The following TULP4 variants were observed in gnomAD, a reference collection of about 807,000 sequenced individuals.
The protein encoded by TULP4 is tubby-related protein 4.
Under a neutral mutation model 129.0 loss-of-function variants are expected in TULP4, and 16 were observed. The observed-to-expected ratio is 0.12, with a 90% CI of 0.08 to 0.19. The LOEUF (loss-of-function observed/expected upper bound fraction) is 0.19, where lower values mean the gene tolerates loss of function less well. Among genes scored for constraint, TULP4 ranks in the 10% least tolerant of loss-of-function variants. The probability of loss-of-function intolerance (pLI) is 1.00; values close to 1 mark genes in which losing one functional copy is unlikely to be tolerated. For synonymous variants in TULP4, 998 were observed against 854.0 expected (o/e 1.17, Z -2.94); for missense variants, 1,842 against 2,059.1 (o/e 0.89, Z 2.04).
intron 5 of TULP4, among the ~76,000 whole-genome samples, chr6:158,459,124 T>C (rs1583900748): frequency 6.6e-6 from 1 of 152,316 alleles, no homozygotes; most frequent in African/African-American, 2.4e-5. Context: ...CATTATAACT[T>C]TGCACCTGCA....
At chr6:158,506,271 G>C (rs182873866) in intron 13 of TULP4, among the ~76,000 whole-genome samples, 1 of 110,678 alleles carries the variant, frequency 9.0e-6, no homozygotes, top group East Asian at 2.7e-4. Context: ...CTCCTCTGTC[G>C]CCCAGGCTGG....
intron 1 of TULP4, among the ~76,000 whole-genome samples, chr6:158,299,135 G>A (rs963533398): frequency 2.0e-5 from 3 of 152,018 alleles, no homozygotes; most frequent in Non-Finnish European, 2.9e-5. Context: ...ACTAGGCCTC[G>A]GTCGGGGTGG....
chr6:158,481,336 T>G, intron 8 of TULP4, 47 bp downstream of exon 8: 1 of 1,557,688 alleles, frequency 6.4e-7, no homozygotes, highest in Non-Finnish European at 8.8e-7. Flanking sequence ...CCTGTGGTCA[T>G]GGGCTGTTAA....
intron 1 of TULP4, among the ~76,000 whole-genome samples, chr6:158,273,354 G>A (rs1778582827): frequency 6.9e-6 from 1 of 145,918 alleles, no homozygotes; most frequent in Non-Finnish European, 1.5e-5. Flanking sequence ...TTTACCTGAC[G>A]TGGGGTTCCA....
chr6:158,384,611 A>G (rs914843642), intron 1 of TULP4, among the ~76,000 whole-genome samples: 3 of 152,036 alleles, frequency 2.0e-5, no homozygotes, highest in Non-Finnish European at 4.4e-5. Context: ...GTATCTTTTT[A>G]TTAGTTGGCA....
chr6:158,308,082 G>T (rs955199935), upstream of TULP4, among the ~76,000 whole-genome samples: 15 of 143,710 alleles, frequency 1.0e-4, no homozygotes, highest in African/African-American at 3.9e-4. Context: ...GACAATAGTG[G>T]AGGGAAGGTC....
At chr6:158,301,059 A>G (rs1463299731) in intron 1 of TULP4, among the ~76,000 whole-genome samples, 5 of 152,212 alleles carry the variant, frequency 3.3e-5, no homozygotes, top group Non-Finnish European at 5.9e-5. Context: ...ACGTTGGCGA[A>G]CCGCCTGTTG....
At chr6:158,309,781 C>G (rs977078297), upstream of TULP4, among the ~76,000 whole-genome samples, 1 of 150,932 alleles carries the variant, frequency 6.6e-6, no homozygotes. Flanking sequence ...CGCAGGCACT[C>G]GGCAGGCCGA....
In TULP4 at chr6:158,503,806, G is replaced by A. The variant is rs760475408; in HGVS notation, c.4143G>A (p.Lys1381=). 9.3e-6 allele frequency: 15 copies of A among 1,614,020 alleles called. No individual in the cohort carries two copies. In the Admixed American group the frequency reaches 1.2e-4, roughly 13 times the overall value. Residue 1381 remains lysine (K), a synonymous_variant, in exon 13 of 14, where the codon AAG becomes AAA. Coordinates refer to ENST00000367097, the MANE Select transcript of TULP4 (RefSeq NM_020245.5). The surrounding 1 kb of genome is among the most constrained non-coding windows in gnomAD (Gnocchi z 4.3). ...LISSPHLGRE[K]KKVKSQKDQL... is the part of the protein sequence containing the mutation. ...CCAGCCCACACCTGGGGAGAGAGAA[G>A]AAGAAAGTGAAGAGTCAGAAAGACC... is the stretch of plus-strand genomic sequence containing the variant.
intron 1 of TULP4, among the ~76,000 whole-genome samples, chr6:158,252,780 T>C (rs1389362175): frequency 6.6e-6 from 1 of 152,204 alleles, no homozygotes; most frequent in Admixed American, 6.5e-5. Flanking sequence ...TTTTTTCTTT[T>C]TTTCCCCTTA....
intron 1 of TULP4, among the ~76,000 whole-genome samples, chr6:158,287,334 G>A (rs1487859145): frequency 1.3e-5 from 2 of 152,108 alleles, no homozygotes; most frequent in African/African-American, 2.4e-5. Context: ...TATAATTTAC[G>A]ACATCATTGG....
Position 158,413,733 on chromosome 6 carries a change from C to A in TULP4, c.381+540C>A, listed in dbSNP as rs1272552293. Among the ~76,000 whole-genome samples, 1 of 152,214 alleles carries A rather than the reference C, an allele frequency of 6.6e-6. No individual in the cohort carries two copies. Among genetic ancestry groups the A allele is most frequent in the Non-Finnish European group, 1.5e-5 (1 of 68,046 alleles). ...CAGGAAACAGTTGCACCCAGGACAG[C>A]CTGCTGAGCTGCGCTGTTTCTAGAA... On this transcript the variant is annotated intron_variant, in intron 2 of 13. Transcript: ENST00000367097. The surrounding 1 kb of genome is among the most constrained non-coding windows in gnomAD (Gnocchi z 4.9).
intron 1 of TULP4, among the ~76,000 whole-genome samples, chr6:158,325,553 C>T (rs550736528): frequency 2.7e-3 from 409 of 152,070 alleles, no homozygotes; most frequent in African/African-American, 9.4e-3. Flanking sequence ...GGGATTTCAC[C>T]GTGTTAGCCA....
At chr6:158,358,912 G>T (rs1227094541) in intron 1 of TULP4, among the ~76,000 whole-genome samples, 1 of 152,188 alleles carries the variant, frequency 6.6e-6, no homozygotes, top group African/African-American at 2.4e-5. Context: ...CTGGTGGTGG[G>T]TGGGGCTGGA....
chr6:158,408,401 G>A (rs987104916), intron 1 of TULP4, among the ~76,000 whole-genome samples: 1 of 152,170 alleles, frequency 6.6e-6, no homozygotes, highest in Admixed American at 6.5e-5. Flanking sequence ...TTATTAAAGA[G>A]GAAACTGTAT....
intron 1 of TULP4, among the ~76,000 whole-genome samples, chr6:158,379,927 C>G (rs1022504916): frequency 1.3e-5 from 2 of 152,150 alleles, no homozygotes; most frequent in Non-Finnish European, 2.9e-5. Flanking sequence ...GGGCATCAGA[C>G]TGGATGAAGT....
At chr6:158,240,014 C>T (rs1777836202) in intron 1 of TULP4, among the ~76,000 whole-genome samples, 1 of 117,346 alleles carries the variant, frequency 8.5e-6, no homozygotes, top group Non-Finnish European at 1.9e-5. Context: ...ACCTCCCTCC[C>T]GGACGGGGCG....
chr6:158,292,414 T>C (rs1020650530), intron 1 of TULP4, among the ~76,000 whole-genome samples: 4 of 152,200 alleles, frequency 2.6e-5, no homozygotes, highest in African/African-American at 4.8e-5. Context: ...ACCCTGGCTT[T>C]CCCTTATGTT....
chr6:158,312,411 C>G (rs1779376761), upstream of TULP4: 3 of 298,710 alleles, frequency 1.0e-5, no homozygotes, highest in South Asian at 4.9e-4. Flanking sequence ...AAAATATTCT[C>G]CAGTTTAAAG....
Sources: allele counts gnomAD v4.1 joint callset (sites outside exome capture counted in the v4.1 genomes callset), GRCh38; gene constraint gnomAD v4.1.1; non-coding constraint Gnocchi (gnomAD v3.1); transcripts MANE v1.5; gene names NCBI Gene and HGNC (gene_info 2026-07-23, HGNC 2026-07-21).